Variants in PSMD1 observed in about 807,000 individuals in gnomAD.
PSMD1 encodes the protein 26S proteasome non-ATPase regulatory subunit 1.
In PSMD1, 18 loss-of-function variants were observed where a neutral mutation model predicts 119.0. That is an observed-to-expected ratio of 0.15 (90% CI 0.10 to 0.22). PSMD1 has a LOEUF of 0.22. Ranked by LOEUF, PSMD1 falls within the 10% of genes least tolerant of loss-of-function variation. The pLI is 1.00. For synonymous variants in PSMD1, 374 were observed against 396.6 expected, an observed-to-expected ratio of 0.94 and a Z score of 0.68; for missense variants, 702 against 1,158.5, an observed-to-expected ratio of 0.61 and a Z score of 5.72.
intron 16 of PSMD1, among the ~76,000 whole-genome samples, chr2:231,109,988 A>G (rs1402676939): frequency 6.6e-6 from 1 of 152,198 alleles, no homozygotes; most frequent in East Asian, 1.9e-4. Context: ...TGTGTGAATC[A>G]TGATGTTGAA....
At chr2:231,074,381 CGG>C (rs1694113045) in intron 7 of PSMD1, among the ~76,000 whole-genome samples, 1 of 152,152 alleles carries the variant, frequency 6.6e-6, no homozygotes, top group South Asian at 2.1e-4. Flanking sequence ...TCTGGGATTA[CGG>C]GTGTGAGCCA....
intron 18 of PSMD1, among the ~76,000 whole-genome samples, chr2:231,146,700 T>C (rs1696260822): frequency 6.6e-6 from 1 of 152,226 alleles, no homozygotes; most frequent in Non-Finnish European, 1.5e-5. Context: ...TCTGATAATA[T>C]AGGATGCAAA....
chr2:231,167,546 A>G (rs1290859796), intron 23 of PSMD1, among the ~76,000 whole-genome samples: 1 of 152,084 alleles, frequency 6.6e-6, no homozygotes, highest in East Asian at 1.9e-4. Context: ...GAAATGAGGA[A>G]TCCTGTTGAA....
intron 1 of PSMD1, 54 bp downstream of exon 1, chr2:231,057,095 T>A: frequency 6.8e-7 from 1 of 1,473,158 alleles, no homozygotes; most frequent in Non-Finnish European, 9.0e-7. Context: ...CCGCGCCGGC[T>A]TTTAGCTGAG....
chr2:231,170,583 C>T lies in PSMD1; in HGVS notation c.2733C>T (p.Ile911=). ...GTTTCCAGCTCTCTATTGGAGGCAT[C>T]ATCATTCTGAAGGATACCAGTGAAG... is the stretch of plus-strand genomic sequence containing the variant. ...QPFKPLSIGG[I]IILKDTSEDI... is the part of the protein sequence containing the mutation. Residue 911 remains isoleucine, a synonymous_variant, in exon 24 of 25, where the codon ATC becomes ATT. Coordinates refer to ENST00000308696, the MANE Select transcript of PSMD1 (RefSeq NM_002807.4). This position sits in a 1 kb window ranked among gnomAD's most constrained non-coding sequence, Gnocchi z 4.1. The T allele has an allele frequency of 6.2e-7, 1 of 1,613,432 alleles. No homozygotes were observed. The highest frequency in any genetic ancestry group is 8.5e-7 in the Non-Finnish European group (1 of 1,179,784).
At chr2:231,083,464 AT>A in intron 13 of PSMD1, 102 bp from the exon 14 acceptor site, 2 of 1,229,804 alleles carry the variant, frequency 1.6e-6, no homozygotes, top group Non-Finnish European at 2.3e-6. Context: ...GAAGCTAATG[AT>A]TTTTTTGATA....
intron 4 of PSMD1, among the ~76,000 whole-genome samples, chr2:231,065,876 T>C (rs1197441875): frequency 6.6e-6 from 1 of 152,150 alleles, no homozygotes; most frequent in Non-Finnish European, 1.5e-5. Flanking sequence ...CTACCTCACA[T>C]TGAGACAATA....
At chr2:231,101,977 G>T (rs992977744) in intron 16 of PSMD1, among the ~76,000 whole-genome samples, 1 of 152,240 alleles carries the variant, frequency 6.6e-6, no homozygotes, top group South Asian at 2.1e-4. Flanking sequence ...CACCATGCCT[G>T]GCTAATTTTG....
chr2:231,067,662 T>G (rs1445297401), intron 5 of PSMD1, among the ~76,000 whole-genome samples: 1 of 152,154 alleles, frequency 6.6e-6, no homozygotes. Flanking sequence ...TCTTTTTTCT[T>G]TCTTTTTTTT....
intron 19 of PSMD1, among the ~76,000 whole-genome samples, chr2:231,159,904 C>G (rs763179456): frequency 3.3e-5 from 5 of 152,220 alleles, no homozygotes; most frequent in Admixed American, 3.3e-4. Flanking sequence ...AGATCCCTCG[C>G]GTGCGCGGTT....
chr2:231,095,162 C>T (rs1243246246), intron 16 of PSMD1, among the ~76,000 whole-genome samples: 1 of 152,120 alleles, frequency 6.6e-6, no homozygotes, highest in African/African-American at 2.4e-5. Context: ...CCCCTTTTTG[C>T]TGCAGGAGTT....
At chr2:231,133,057 G>T (rs531523738) in intron 16 of PSMD1, among the ~76,000 whole-genome samples, 1 of 152,234 alleles carries the variant, frequency 6.6e-6, no homozygotes, top group Admixed American at 6.5e-5. Context: ...GAGGTTTGTG[G>T]TATACTTGGT....
chr2:231,111,511 T>C (rs1695154231), intron 16 of PSMD1, among the ~76,000 whole-genome samples: 1 of 152,236 alleles, frequency 6.6e-6, no homozygotes, highest in African/African-American at 2.4e-5. Flanking sequence ...TACCCTGTTA[T>C]ATTATTATAC....
intron 16 of PSMD1, among the ~76,000 whole-genome samples, chr2:231,101,206 T>C (rs1694858349): frequency 6.6e-6 from 1 of 152,198 alleles, no homozygotes; most frequent in Non-Finnish European, 1.5e-5. Flanking sequence ...ACACGAGTGA[T>C]CAAAGGTTAG....
At chr2:231,098,245 A>G (rs1428142156) in intron 16 of PSMD1, among the ~76,000 whole-genome samples, 4 of 152,254 alleles carry the variant, frequency 2.6e-5, no homozygotes, top group African/African-American at 9.6e-5. Flanking sequence ...ACCCTTGTTT[A>G]CACTGACAAC....
intron 16 of PSMD1, among the ~76,000 whole-genome samples, chr2:231,127,630 G>C (rs547218679): frequency 1.3e-5 from 2 of 152,212 alleles, no homozygotes; most frequent in East Asian, 3.9e-4. Flanking sequence ...CTGGGATTAC[G>C]GGCATGAGCC....
intron 20 of PSMD1, chr2:231,163,372 A>G: frequency 2.8e-6 from 1 of 357,108 alleles, no homozygotes; most frequent in East Asian, 4.6e-5. Context: ...GGACTTACCC[A>G]TTGAAGCAGG....
chr2:231,096,635 T>G (rs1694733887), intron 16 of PSMD1, among the ~76,000 whole-genome samples: 1 of 152,240 alleles, frequency 6.6e-6, no homozygotes, highest in African/African-American at 2.4e-5. Context: ...ATTTTCTTTT[T>G]AATTCTCAGC....
intron 16 of PSMD1, among the ~76,000 whole-genome samples, chr2:231,100,897 C>T (rs1430564436): frequency 6.6e-6 from 1 of 152,192 alleles, no homozygotes; most frequent in Non-Finnish European, 1.5e-5. Context: ...GTTTCTTCAC[C>T]TTCATTTTCG....
Sources: allele counts gnomAD v4.1 joint callset (sites outside exome capture counted in the v4.1 genomes callset), GRCh38; gene constraint gnomAD v4.1.1; non-coding constraint Gnocchi (gnomAD v3.1); transcripts MANE v1.5; gene names NCBI Gene and HGNC (gene_info 2026-07-23, HGNC 2026-07-21).